Variants in BANP observed in about 807,000 individuals in gnomAD.
BANP encodes BTG3 associated nuclear protein, also known as protein BANP.
Under a neutral mutation model 68.1 loss-of-function variants are expected in BANP, and 11 were observed. The ratio of observed to expected loss-of-function variants is 0.16; its 90% CI spans 0.10 to 0.27. BANP has a LOEUF of 0.27. Ranked by LOEUF, BANP falls within the 10% of genes least tolerant of loss-of-function variation. The probability of loss-of-function intolerance (pLI) is 1.00; values close to 1 mark genes in which losing one functional copy is unlikely to be tolerated. For missense variants in BANP, 504 were observed against 722.7 expected, an observed-to-expected ratio of 0.70 and a Z score of 3.47; for synonymous variants, 329 against 303.2, an observed-to-expected ratio of 1.09 and a Z score of -0.88.
At chr16:88,072,277 G>C in intron 13 of BANP, 65 bp downstream of exon 13, 2 of 1,536,048 alleles carry the variant, frequency 1.3e-6, no homozygotes, top group South Asian at 1.2e-5. Flanking sequence ...CTGCCACCGG[G>C]CACACGTGGC....
chr16:88,040,255 CTTT>C (rs71156289), intron 11 of BANP, among the ~76,000 whole-genome samples: 3 of 142,472 alleles, frequency 2.1e-5, no homozygotes, highest in Non-Finnish European at 3.0e-5. Context: ...TGTGGAAATC[CTTT>C]TTTTTTTTTT....
intron 1 of BANP, 47 bp downstream of exon 1, chr16:87,951,562 C>G (rs1374572334): frequency 1.3e-5 from 2 of 152,510 alleles, no homozygotes; most frequent in African/African-American, 2.4e-5. Flanking sequence ...TCCCCCTTCC[C>G]GCGGGGCGAG....
chr16:88,068,377 C>T (rs2089374406), intron 12 of BANP, among the ~76,000 whole-genome samples: 1 of 152,232 alleles, frequency 6.6e-6, no homozygotes, highest in Admixed American at 6.5e-5. Flanking sequence ...CAAGTCCCTG[C>T]ACCGCGCAGA....
chr16:88,027,057 G>A (rs1411783817), intron 7 of BANP, among the ~76,000 whole-genome samples: 4 of 152,340 alleles, frequency 2.6e-5, no homozygotes, highest in South Asian at 4.1e-4. Flanking sequence ...GAGGACCAGC[G>A]AGTTCTGATC....
At position 88,076,686 on chromosome 16, in the gene BANP, C is replaced by T; in HGVS notation, c.*25C>T. The stretch of plus-strand genomic sequence containing the variant: ...AGCGGTGCCCATGGCACCAGGAGCC[C>T]CTCGCCGGCTCCGCCTACGGCCCGG... On this transcript the variant is annotated 3_prime_UTR_variant, in exon 14 of 14. Coordinates refer to ENST00000682872, the MANE Select transcript of BANP (RefSeq NM_001386991.1). The T allele has an allele frequency of 1.3e-6, 2 of 1,594,572 alleles. No homozygotes were observed. Among genetic ancestry groups the T allele is most frequent in the Non-Finnish European group, 1.7e-6 (2 of 1,173,548 alleles).
intron 1 of BANP, among the ~76,000 whole-genome samples, chr16:87,958,529 T>C (rs2058533840): frequency 6.6e-6 from 1 of 152,096 alleles, no homozygotes; most frequent in South Asian, 2.1e-4. Flanking sequence ...GTGTATAAAG[T>C]ACTTTTTAAA....
At chr16:87,999,105 TCCAGACAC>T (rs200996291) in intron 4 of BANP, among the ~76,000 whole-genome samples, 5 of 132,874 alleles carry the variant, frequency 3.8e-5, no homozygotes, top group Admixed American at 1.5e-4. Context: ...TGCCTGTCCT[TCCAGACAC>T]CCAGACACGT....
At chr16:88,062,481 C>G (rs1027578767) in intron 11 of BANP, among the ~76,000 whole-genome samples, 9 of 152,236 alleles carry the variant, frequency 5.9e-5, no homozygotes, top group Admixed American at 5.9e-4. Flanking sequence ...CTGAAAACAA[C>G]TGGCTCTGTT....
At chr16:88,063,263 G>A (rs933262210) in intron 11 of BANP, among the ~76,000 whole-genome samples, 4 of 152,170 alleles carry the variant, frequency 2.6e-5, no homozygotes, top group East Asian at 1.9e-4. Context: ...CTCGGCTTTC[G>A]CCTCTCAGCC....
intron 4 of BANP, among the ~76,000 whole-genome samples, chr16:87,992,360 C>G (rs2066072463): frequency 6.6e-6 from 1 of 152,196 alleles, no homozygotes; most frequent in South Asian, 2.1e-4. Flanking sequence ...ATGCTGACCT[C>G]AGCAACGGAG....
intron 7 of BANP, among the ~76,000 whole-genome samples, chr16:88,019,818 G>GGGGGA (rs1290462721): frequency 6.6e-6 from 1 of 152,156 alleles, no homozygotes; most frequent in African/African-American, 2.4e-5. Flanking sequence ...CAGGAGCAGT[G>GGGGGA]GGGGAGTGGA....
intron 1 of BANP, among the ~76,000 whole-genome samples, chr16:87,953,580 T>C (rs2057421860): frequency 6.6e-6 from 1 of 152,182 alleles, no homozygotes; most frequent in South Asian, 2.1e-4. Context: ...ATATCCCAAC[T>C]CTTCTATCCC....
At chr16:88,053,634 T>C (rs1183014544) in intron 11 of BANP, among the ~76,000 whole-genome samples, 2 of 112,818 alleles carry the variant, frequency 1.8e-5, no homozygotes, top group African/African-American at 7.7e-5. Context: ...CCTCCTTCAC[T>C]ATCATCACCA....
At chr16:88,014,942 C>A (rs1279173540) in intron 6 of BANP, among the ~76,000 whole-genome samples, 1 of 152,094 alleles carries the variant, frequency 6.6e-6, no homozygotes, top group African/African-American at 2.4e-5. Context: ...CCTACTGACA[C>A]CAGGCCCTCA....
intron 1 of BANP, among the ~76,000 whole-genome samples, chr16:87,961,407 G>GGCCCC (rs2059103943): frequency 8.5e-6 from 1 of 117,564 alleles, no homozygotes; most frequent in African/African-American, 2.9e-5. Context: ...CACAGAATCT[G>GGCCCC]CACCCCCCCG....
At chr16:88,027,336 C>T (rs1052248103) in intron 7 of BANP, 147 bp from the exon 8 acceptor site, 20 of 854,492 alleles carry the variant, frequency 2.3e-5, no homozygotes, top group Admixed American at 5.4e-5. Context: ...TGGGCCTTTC[C>T]AGACCCTTGC....
At chr16:87,958,208 C>G (rs72816360) in intron 1 of BANP, among the ~76,000 whole-genome samples, 1 of 152,136 alleles carries the variant, frequency 6.6e-6, no homozygotes, top group African/African-American at 2.4e-5. Context: ...AACTCTGAGT[C>G]CCTAGAAACT....
rs375548268 is a variant in BANP, at chr16:88,057,494, A to G, written c.1312-7773A>G. Reference sequence around the variant, plus strand: ...GTCCCCTCCACGTGTTCACCTCGTCAGAGTCAAGAAACGAGGAGTGAAAAA... The same window carrying G: ...GTCCCCTCCACGTGTTCACCTCGTCGGAGTCAAGAAACGAGGAGTGAAAAA... On this transcript the variant is annotated intron_variant, in intron 11 of 13. Transcript: ENST00000682872. The surrounding 1 kb of genome is among the most constrained non-coding windows in gnomAD (Gnocchi z 4.6). 2.6e-5 allele frequency among the ~76,000 whole-genome samples: 4 copies of G among 152,200 alleles called. No homozygotes were observed. The East Asian group carries it at 5.8e-4, about 22-fold the overall frequency.
intron 3 of BANP, among the ~76,000 whole-genome samples, chr16:87,982,982 T>C (rs1400816643): frequency 2.0e-5 from 3 of 151,898 alleles, no homozygotes; most frequent in Non-Finnish European, 4.4e-5. Flanking sequence ...CCCCTGTCAA[T>C]GTGGGCCGGC....
Sources: allele counts gnomAD v4.1 joint callset (sites outside exome capture counted in the v4.1 genomes callset), GRCh38; gene constraint gnomAD v4.1.1; non-coding constraint Gnocchi (gnomAD v3.1); transcripts MANE v1.5; gene names NCBI Gene and HGNC (gene_info 2026-07-23, HGNC 2026-07-21).